The following CHD5 variants were observed in gnomAD, a reference collection of about 807,000 sequenced individuals.
CHD5 encodes ATP-dependent chromatin remodeler CHD5.
A neutral mutation model predicts 230.3 loss-of-function variants in CHD5; 69 were observed. The ratio of observed to expected loss-of-function variants is 0.30; its 90% CI spans 0.25 to 0.37. CHD5 has a LOEUF of 0.37. Ranked by LOEUF, CHD5 falls within the 10% of genes least tolerant of loss-of-function variation. CHD5 has a pLI of 1.00. For synonymous variants in CHD5, 1,064 were observed against 1,065.9 expected (o/e 1.00, Z 0.03); for missense variants, 1,827 against 2,622.8 (o/e 0.70, Z 6.63).
intron 2 of CHD5, among the ~76,000 whole-genome samples, chr1:6,160,573 A>G (rs1432574633): frequency 6.6e-6 from 1 of 152,294 alleles, no homozygotes; most frequent in African/African-American, 2.4e-5. Flanking sequence ...GCTTAAGTTC[A>G]CATCCCATGG....
In CHD5 at chr1:6,168,164, G is replaced by C. The variant is rs771401780; in HGVS notation, c.193C>G (p.Arg65Gly). The C allele has an allele frequency of 1.9e-6, 3 of 1,605,128 alleles. No individual in the cohort carries two copies. The highest frequency in any genetic ancestry group is 2.6e-6 in the Non-Finnish European group (3 of 1,173,382). The change falls in exon 2 of 42, where the codon CGG (arginine) becomes GGG (glycine). Residue 65 changes from arginine to glycine, a missense_variant. By Grantham distance (125) the Arg-to-Gly change is moderately radical. Coordinates refer to ENST00000262450, the MANE Select transcript of CHD5 (RefSeq NM_015557.3). ...CTGCCCCTCACCTCTTTCTTCTTCC[G>C]CTTCCCTTTACACTTGTTTTCCTTG... is the stretch of plus-strand genomic sequence containing the variant. The part of the protein sequence containing the change: ...KLKENKCKGK[R>G]KKKEGSNDEL...
chr1:6,162,015 A>G (rs747392), intron 2 of CHD5, among the ~76,000 whole-genome samples: 51,194 of 152,112 alleles, frequency 0.34, 12,500 homozygotes, highest in East Asian at 0.68. Context: ...AAGTCACTGT[A>G]GCGAGCTAAA....
At position 6,126,758 on chromosome 1, in the gene CHD5, G is replaced by T; in HGVS notation, c.3904-12C>A. 1.9e-6 allele frequency: 3 copies of T among 1,610,872 alleles called. No homozygotes were observed. The highest frequency in any genetic ancestry group is 2.5e-6 in the Non-Finnish European group (3 of 1,177,768). ...CGCTCCACCTCCTCCTGGGGACGCA[G>T]CACCACGGGTTCCATGGGTGGAGCC... On this transcript the variant is annotated splice_polypyrimidine_tract_variant and intron_variant, in intron 25 of 41. Transcript: ENST00000262450. This position sits in a 1 kb window ranked among gnomAD's most constrained non-coding sequence, Gnocchi z 5.7.
In CHD5 at chr1:6,146,200, G is replaced by T. The variant is rs1333947339; in HGVS notation, c.1802+12C>A. The T allele has an allele frequency of 6.2e-7, 1 of 1,613,008 alleles. No individual in the cohort carries two copies. Among genetic ancestry groups the T allele is most frequent in the Non-Finnish European group, 8.5e-7 (1 of 1,179,440 alleles). The stretch of plus-strand genomic sequence containing the variant: ...CCAGCGATGGGCAGGGTGGCCGCCT[G>T]CAGGCACACACCTATGGTTCAGGAT... On this transcript the variant is annotated intron_variant, in intron 11 of 41. Transcript: ENST00000262450. This position sits in a 1 kb window ranked among gnomAD's most constrained non-coding sequence, Gnocchi z 5.1.
chr1:6,159,836 G>C (rs1489926534), intron 2 of CHD5, among the ~76,000 whole-genome samples: 1 of 152,280 alleles, frequency 6.6e-6, no homozygotes, highest in Non-Finnish European at 1.5e-5. Flanking sequence ...CACTCCAGCA[G>C]CCCTGCGGGT....
intron 7 of CHD5, among the ~76,000 whole-genome samples, chr1:6,150,000 A>AATGGATGG (rs58706054): frequency 2.1e-5 from 3 of 144,752 alleles, no homozygotes; most frequent in South Asian, 2.3e-4. Context: ...TGGATGGACA[A>AATGGATGG]ATGGATGGAT....
chr1:6,158,081 C>CA (rs763640067), intron 3 of CHD5, among the ~76,000 whole-genome samples: 100 of 152,324 alleles, frequency 6.6e-4, no homozygotes, highest in Middle Eastern at 6.8e-3. Flanking sequence ...CTTAAAAGAA[C>CA]AAAGGGAGCA....
At position 6,125,094 on chromosome 1, in the gene CHD5, C is replaced by T. The variant is rs772202898; in HGVS notation, c.4394+6G>A. ...CACACCCTGGGCCACCACCTAGCCC[C>T]TTTACCTAAACTCCTTCTCGCTCTT... is the stretch of plus-strand genomic sequence containing the variant. On this transcript the variant is annotated splice_donor_region_variant and intron_variant, in intron 29 of 41. Coordinates refer to ENST00000262450, the MANE Select transcript of CHD5 (RefSeq NM_015557.3). This position sits in a 1 kb window ranked among gnomAD's most constrained non-coding sequence, Gnocchi z 6.7. 13 of 1,579,552 alleles carry T rather than the reference C, an allele frequency of 8.2e-6. No individual in the cohort carries two copies. The highest frequency in any genetic ancestry group is 1.1e-5 in the Non-Finnish European group (13 of 1,162,308).
At position 6,160,154 on chromosome 1, in the gene CHD5, A is replaced by T. The variant is rs1362098349; in HGVS notation, c.208-639T>A. Among the ~76,000 whole-genome samples, 74 of 111,492 alleles carry T rather than the reference A, an allele frequency of 6.6e-4. 6 individuals carry two copies. The highest frequency in any genetic ancestry group is 1.5e-3 in the South Asian group (4 of 2,656). The allele number at this position is 111,492 out of a possible 152,430, so 73.1% of individuals were successfully genotyped here. On this transcript the variant is annotated intron_variant, in intron 2 of 41. Transcript: ENST00000262450. ...AGGGCCCCAGCCAGGGAAGGGCCCC[A>T]GCAAGGGAAGAGCCCCAGCCAGGGA...
chr1:6,146,321 T>C lies in CHD5; in HGVS notation c.1693A>G (p.Ser565Gly). ...DYGSGDEDGK[S>G]EKRKNKDPLY... ...GGGTCCTTGTTCTTCCTCTTCTCGC[T>C]CTTGCCGTCTTCATCCCCAGAGCCG... The change falls in exon 11 of 42, where the codon AGC becomes GGC. Residue 565 changes from serine to glycine, a missense_variant. Physicochemically the swap from Ser to Gly is moderately conservative, Grantham distance 56. This residue lies in a region of CHD5 where 657 missense variants were observed against 816.4 expected (regional missense o/e 0.80). Transcript: ENST00000262450. This position sits in a 1 kb window ranked among gnomAD's most constrained non-coding sequence, Gnocchi z 5.1. 6.2e-7 allele frequency: 1 copy of C among 1,614,152 alleles called. No homozygotes were observed. Among genetic ancestry groups the C allele is most frequent in the South Asian group, 1.1e-5 (1 of 91,088 alleles).
intron 1 of CHD5, among the ~76,000 whole-genome samples, chr1:6,177,194 T>C (rs1315928633): frequency 1.3e-5 from 2 of 152,182 alleles, no homozygotes; most frequent in Non-Finnish European, 2.9e-5. Context: ...AGCCACAAAC[T>C]TCCATCTTTT....
chr1:6,108,584 T>G (rs1217445609), intron 38 of CHD5, among the ~76,000 whole-genome samples: 1 of 138,068 alleles, frequency 7.2e-6, no homozygotes, highest in Non-Finnish European at 1.6e-5. Flanking sequence ...AATGGAGGGA[T>G]GGAGGGGTGG....
intron 15 of CHD5, among the ~76,000 whole-genome samples, chr1:6,137,549 C>T (rs901958658): frequency 6.6e-6 from 1 of 152,130 alleles, no homozygotes; most frequent in Non-Finnish European, 1.5e-5. Context: ...ACTAGGCTGG[C>T]TTCAAACTCC....
chr1:6,111,795 C>A lies in CHD5; in HGVS notation c.5229G>T (p.Trp1743Cys). ...GATACGTCACGATGCCCGCCAGCAG[C>A]CAGTAGTCATGGCGCCGGTGCCAGA... ...YDIWHRRHDYWLLAGIVTHGY... is the reference protein window; with the variant it reads ...YDIWHRRHDYCLLAGIVTHGY... Residue 1743 changes from tryptophan (W) to cysteine (C), a missense_variant, in exon 36 of 42, where the codon TGG becomes TGT. Physicochemically the swap from Trp to Cys is radical, Grantham distance 215. Around this residue, in one of 14 missense-constraint regions of CHD5, gnomAD observed 272 missense variants for 263.2 expected, o/e 1.03. Transcript: ENST00000262450. The A allele has an allele frequency of 1.2e-6, 2 of 1,613,494 alleles. No homozygotes were observed. Among genetic ancestry groups the A allele is most frequent in the Non-Finnish European group, 1.7e-6 (2 of 1,179,992 alleles).
At chr1:6,108,068 G>A (rs1335082051) in intron 38 of CHD5, among the ~76,000 whole-genome samples, 5 of 140,078 alleles carry the variant, frequency 3.6e-5, no homozygotes, top group East Asian at 2.4e-4. Flanking sequence ...GAGGGATGGA[G>A]GGATGATGGA....
At position 6,111,871 on chromosome 1, in the gene CHD5, A is replaced by C; in HGVS notation, c.5153T>G (p.Leu1718Arg). 1 of 1,613,246 alleles carries C rather than the reference A, an allele frequency of 6.2e-7. No homozygotes were observed. The highest frequency in any genetic ancestry group is 8.5e-7 in the Non-Finnish European group (1 of 1,179,964). The stretch of plus-strand genomic sequence containing the variant: ...AGCAGCCCGCTCCTCGTTCTGCCAC[A>C]GCGTGTGCAACTCTGGGAAACAAGC... The part of the protein sequence containing the change: ...ADGGFTELHT[L>R]WQNEERAAVS... The change falls in exon 36 of 42, where the codon CTG becomes CGG. Residue 1718 changes from leucine to arginine, a missense_variant. Physicochemically the swap from Leu to Arg is moderately radical, Grantham distance 102. Coordinates refer to ENST00000262450, the MANE Select transcript of CHD5 (RefSeq NM_015557.3).
At position 6,168,236 on chromosome 1, in the gene CHD5, G is replaced by A. The variant is rs1436016933; in HGVS notation, c.121C>T (p.Pro41Ser). Residue 41 changes from proline to serine, a missense_variant, in exon 2 of 42, where the codon CCT becomes TCT. By Grantham distance (74) the Pro-to-Ser change is moderately conservative (BLOSUM62 -1). Transcript: ENST00000262450. The part of the protein sequence containing the change: ...GGLEAFDDFF[P>S]VEPVSLPKKK... Reference sequence around the variant, plus strand: ...TTAGGAAGGCTCACGGGCTCCACAGGGAAAAAGTCATCGAAGGCTTCAAGA... The same window carrying A: ...TTAGGAAGGCTCACGGGCTCCACAGAGAAAAAGTCATCGAAGGCTTCAAGA... The A allele has an allele frequency of 1.2e-6, 2 of 1,610,132 alleles. No individual in the cohort carries two copies. The highest frequency in any genetic ancestry group is 1.7e-6 in the Non-Finnish European group (2 of 1,177,050).
In CHD5 at chr1:6,126,757, A is replaced by C; in HGVS notation, c.3904-11T>G. On this transcript the variant is annotated splice_polypyrimidine_tract_variant and intron_variant, in intron 25 of 41. Coordinates refer to ENST00000262450, the MANE Select transcript of CHD5 (RefSeq NM_015557.3). This position sits in a 1 kb window ranked among gnomAD's most constrained non-coding sequence, Gnocchi z 5.7. ...CCGCTCCACCTCCTCCTGGGGACGCAGCACCACGGGTTCCATGGGTGGAGC... is the reference window on the plus strand; with the variant it reads ...CCGCTCCACCTCCTCCTGGGGACGCCGCACCACGGGTTCCATGGGTGGAGC... The C allele has an allele frequency of 1.2e-6, 2 of 1,611,320 alleles. No individual in the cohort carries two copies. Among genetic ancestry groups the C allele is most frequent in the Middle Eastern group, 1.7e-4 (1 of 6,046 alleles).
chr1:6,159,786 C>T lies in CHD5; in HGVS notation c.208-271G>A, dbSNP rs536027216. On this transcript the variant is annotated intron_variant, in intron 2 of 41. Coordinates refer to ENST00000262450, the MANE Select transcript of CHD5 (RefSeq NM_015557.3). ...TGCAGGTGAGGCGAGGTGAGGCTCT[C>T]GTGAGAGCAGGCTTCTCCATCTGCA... 9.8e-5 allele frequency among the ~76,000 whole-genome samples: 15 copies of T among 152,376 alleles called. No homozygotes were observed. The South Asian group carries it at 1.2e-3, about 13-fold the overall frequency.
Sources: allele counts gnomAD v4.1 joint callset (sites outside exome capture counted in the v4.1 genomes callset), GRCh38; gene constraint gnomAD v4.1.1; regional missense constraint gnomAD v4.1.1; non-coding constraint Gnocchi (gnomAD v3.1); transcripts MANE v1.5; gene names NCBI Gene and HGNC (gene_info 2026-07-23, HGNC 2026-07-21).